ITGA8: variants seen among roughly 807,000 people sequenced by gnomAD.
ITGA8 encodes the protein integrin subunit alpha 8.
In ITGA8, 91 loss-of-function variants were observed where a neutral mutation model predicts 142.3. The observed-to-expected ratio is 0.64, with a 90% CI of 0.54 to 0.76. The LOEUF (loss-of-function observed/expected upper bound fraction) is 0.76, where lower values mean the gene tolerates loss of function less well. Ranked by LOEUF, ITGA8 falls within the 30% of genes least tolerant of loss-of-function variation. The probability of loss-of-function intolerance (pLI) is 0.00; values close to 1 mark genes in which losing one functional copy is unlikely to be tolerated. For missense variants in ITGA8, 1,406 were observed against 1,327.7 expected (o/e 1.06, Z -0.92); for synonymous variants, 505 against 485.2 (o/e 1.04, Z -0.54).
At chr10:15,614,153 CGTATTTGTGA>C (rs1270811412) in intron 14 of ITGA8, among the ~76,000 whole-genome samples, 2 of 152,262 alleles carry the variant, frequency 1.3e-5, no homozygotes, top group African/African-American at 2.4e-5. Flanking sequence ...TACAGCCATT[CGTATTTGTGA>C]GTACTTGAAG....
At chr10:15,669,314 C>T (rs1834461746) in intron 8 of ITGA8, among the ~76,000 whole-genome samples, 1 of 152,210 alleles carries the variant, frequency 6.6e-6, no homozygotes. Context: ...ATTGCGTCGG[C>T]TACTGAGGCT....
chr10:15,625,012 T>C (rs940866273), intron 13 of ITGA8, among the ~76,000 whole-genome samples: 2 of 152,162 alleles, frequency 1.3e-5, no homozygotes, highest in Non-Finnish European at 2.9e-5. Context: ...GTTGCCTGTC[T>C]GCCTTGCTTT....
intron 2 of ITGA8, among the ~76,000 whole-genome samples, chr10:15,701,712 T>G (rs1954180): frequency 0.74 from 112,588 of 152,088 alleles, 42,666 homozygotes; most frequent in East Asian, 0.84. Context: ...TGAAAACTAT[T>G]TATAAAGCCC....
At chr10:15,643,962 C>T in intron 13 of ITGA8, 68 bp downstream of exon 13, 1 of 1,415,060 alleles carries the variant, frequency 7.1e-7, no homozygotes, top group Admixed American at 2.1e-5. Flanking sequence ...TTGCATGATG[C>T]ATTTTTCAGA....
intron 28 of ITGA8, among the ~76,000 whole-genome samples, chr10:15,528,437 A>T (rs1833219636): frequency 6.6e-6 from 1 of 151,200 alleles, no homozygotes. Context: ...AATTGTTTCC[A>T]TTCCTGGATC....
rs114829103 is a variant in ITGA8 at position 15,627,435 on chromosome 10, G to A, written c.1400-10876C>T. ...CTTTCTGGCTTACGCTGGCTATCTCGTGAACTTCTCTTAGGGTTGATAGTT... is the reference window on the plus strand; with the variant it reads ...CTTTCTGGCTTACGCTGGCTATCTCATGAACTTCTCTTAGGGTTGATAGTT... On this transcript the variant is annotated intron_variant, in intron 13 of 29. Transcript: ENST00000378076. Among the ~76,000 whole-genome samples, 383 of 152,256 alleles carry A rather than the reference G, an allele frequency of 2.5e-3. 2 individuals are homozygous for A. Among genetic ancestry groups the A allele is most frequent in the African/African-American group, 8.9e-3 (371 of 41,534 alleles).
intron 28 of ITGA8, among the ~76,000 whole-genome samples, chr10:15,523,502 G>A (rs1169258475): frequency 1.3e-5 from 2 of 152,284 alleles, no homozygotes; most frequent in East Asian, 3.9e-4. Context: ...GTGGGAAGAT[G>A]ACCCCCTGCA....
At chr10:15,597,524 G>A (rs1466804537) in intron 20 of ITGA8, among the ~76,000 whole-genome samples, 1 of 152,104 alleles carries the variant, frequency 6.6e-6, no homozygotes, top group Non-Finnish European at 1.5e-5. Flanking sequence ...TATTTATTGT[G>A]TTTCATTAAG....
chr10:15,616,034 C>T (rs988420932), intron 14 of ITGA8, among the ~76,000 whole-genome samples: 5 of 152,190 alleles, frequency 3.3e-5, no homozygotes, highest in Admixed American at 6.5e-5. Flanking sequence ...AATGTCCAGG[C>T]TTGGAATCCA....
intron 12 of ITGA8, among the ~76,000 whole-genome samples, chr10:15,645,991 C>G (rs1833975088): frequency 6.6e-6 from 1 of 152,168 alleles, no homozygotes; most frequent in South Asian, 2.1e-4. Context: ...CTGTACATAA[C>G]CCATGTAGGC....
At chr10:15,582,273 C>T (rs1055203803) in intron 23 of ITGA8, among the ~76,000 whole-genome samples, 3 of 152,038 alleles carry the variant, frequency 2.0e-5, no homozygotes, top group Non-Finnish European at 4.4e-5. Context: ...AGAACCTTGG[C>T]CCTCACCTCA....
At chr10:15,521,114 G>A (rs919686553) in intron 28 of ITGA8, among the ~76,000 whole-genome samples, 1 of 152,180 alleles carries the variant, frequency 6.6e-6, no homozygotes, top group African/African-American at 2.4e-5. Context: ...CACCTCCCAG[G>A]TTCAAGCAAT....
chr10:15,717,145 A>G (rs958691636), intron 2 of ITGA8, among the ~76,000 whole-genome samples: 2 of 152,198 alleles, frequency 1.3e-5, no homozygotes, highest in Non-Finnish European at 2.9e-5. Flanking sequence ...TCCTTTATCA[A>G]AAGAAAAAAA....
chr10:15,628,564 C>A (rs547344295), intron 13 of ITGA8, among the ~76,000 whole-genome samples: 1 of 151,836 alleles, frequency 6.6e-6, no homozygotes, highest in South Asian at 2.1e-4. Flanking sequence ...GATCTCCTGA[C>A]CTCATGATCT....
intron 13 of ITGA8, among the ~76,000 whole-genome samples, chr10:15,619,633 T>C (rs1028184005): frequency 1.3e-5 from 2 of 152,240 alleles, no homozygotes; most frequent in Admixed American, 6.5e-5. Context: ...ATAAATTCTA[T>C]CAGAATTTCA....
intron 23 of ITGA8, among the ~76,000 whole-genome samples, chr10:15,582,788 A>T (rs1834433415): frequency 6.6e-6 from 1 of 152,284 alleles, no homozygotes; most frequent in African/African-American, 2.4e-5. Context: ...TGCTGGCAAA[A>T]ATGGTGCATG....
chr10:15,685,556 G>T (rs1834819211), intron 3 of ITGA8, among the ~76,000 whole-genome samples: 1 of 152,152 alleles, frequency 6.6e-6, no homozygotes, highest in Non-Finnish European at 1.5e-5. Flanking sequence ...AATACCAAAT[G>T]ATTATGCATT....
At chr10:15,568,785 A>G (rs538732423) in intron 25 of ITGA8, among the ~76,000 whole-genome samples, 1 of 152,338 alleles carries the variant, frequency 6.6e-6, no homozygotes, top group South Asian at 2.1e-4. Context: ...AATGTCCAGG[A>G]CTGCTGCCAT....
intron 26 of ITGA8, among the ~76,000 whole-genome samples, chr10:15,548,919 A>C (rs912357770): frequency 3.9e-5 from 6 of 152,208 alleles, no homozygotes; most frequent in Admixed American, 3.3e-4. Flanking sequence ...AAGGGGTTGC[A>C]GAGGAAGACT....
Sources: allele counts gnomAD v4.1 joint callset (sites outside exome capture counted in the v4.1 genomes callset), GRCh38; gene constraint gnomAD v4.1.1; transcripts MANE v1.5; gene names NCBI Gene and HGNC (gene_info 2026-07-23, HGNC 2026-07-21).